The following ITGBL1 variants were observed in gnomAD, a reference collection of about 807,000 sequenced individuals.
ITGBL1 encodes the protein integrin beta-like protein 1.
Under a neutral mutation model 68.5 loss-of-function variants are expected in ITGBL1, and 51 were observed. The observed-to-expected ratio is 0.74, with a 90% CI of 0.59 to 0.94. The LOEUF (loss-of-function observed/expected upper bound fraction) is 0.94, where lower values mean the gene tolerates loss of function less well. ITGBL1 is among the 40% of genes least tolerant of loss of function. The pLI, the probability that ITGBL1 is intolerant of heterozygous loss-of-function variation, is 0.00. For synonymous variants in ITGBL1, 209 were observed against 227.3 expected, an observed-to-expected ratio of 0.92 and a Z score of 0.72; for missense variants, 649 against 647.4, an observed-to-expected ratio of 1.00 and a Z score of -0.03.
chr13:101,542,041 G>A (rs1420282030), intron 2 of ITGBL1, among the ~76,000 whole-genome samples: 2 of 152,100 alleles, frequency 1.3e-5, no homozygotes, highest in Admixed American at 6.6e-5. Flanking sequence ...AGGGTTATTT[G>A]TGTCTCTGTT....
intron 2 of ITGBL1, among the ~76,000 whole-genome samples, chr13:101,543,655 T>G (rs1165374262): frequency 1.3e-5 from 2 of 152,208 alleles, no homozygotes; most frequent in South Asian, 2.1e-4. Context: ...CAGAGTGTTT[T>G]CCAACTTGGT....
At chr13:101,506,676 T>A (rs1471730371) in intron 2 of ITGBL1, among the ~76,000 whole-genome samples, 2 of 152,200 alleles carry the variant, frequency 1.3e-5, no homozygotes, top group Non-Finnish European at 2.9e-5. Flanking sequence ...TAAAAGGTGT[T>A]GTAACTGAGA....
intron 7 of ITGBL1, among the ~76,000 whole-genome samples, chr13:101,657,257 A>C (rs2032955454): frequency 6.6e-6 from 1 of 152,336 alleles, no homozygotes; most frequent in Middle Eastern, 3.4e-3. Flanking sequence ...TTTTAATTCA[A>C]GTTGCACAAA....
intron 4 of ITGBL1, among the ~76,000 whole-genome samples, chr13:101,578,288 G>A (rs2050397408): frequency 6.6e-6 from 1 of 152,130 alleles, no homozygotes; most frequent in African/African-American, 2.4e-5. Context: ...GTTTTGCATT[G>A]TCTTTTGGGG....
chr13:101,605,381 CAT>C lies in ITGBL1; in HGVS notation c.1015+7087_1015+7088del, dbSNP rs571116333. On this transcript the variant is annotated intron_variant, in intron 7 of 10. Coordinates refer to ENST00000376180, the MANE Select transcript of ITGBL1 (RefSeq NM_004791.3). ...ATGTGTGCATATGCGTATATATACA[CAT>C]ATATGGGCATGTATGTGTGTATATG... Among the ~76,000 whole-genome samples, 151 of 142,936 alleles carry C rather than the reference CAT, an allele frequency of 1.1e-3. 9 individuals carry two copies. The highest frequency in any genetic ancestry group is 3.3e-3 in the African/African-American group (125 of 37,852). 93.8% of individuals were successfully genotyped at this position (142,936 alleles called of 152,430 possible).
intron 2 of ITGBL1, among the ~76,000 whole-genome samples, chr13:101,559,037 C>CT (rs2050058182): frequency 6.6e-6 from 1 of 152,058 alleles, no homozygotes; most frequent in African/African-American, 2.4e-5. Context: ...CAATTTCATC[C>CT]TTTAGTCACA....
chr13:101,550,427 C>G (rs1365494216), intron 2 of ITGBL1, among the ~76,000 whole-genome samples: 1 of 152,148 alleles, frequency 6.6e-6, no homozygotes, highest in African/African-American at 2.4e-5. Context: ...GTTCAAACAC[C>G]ACTTGGTTCT....
chr13:101,537,399 A>G (rs531949672), intron 2 of ITGBL1, among the ~76,000 whole-genome samples: 2 of 152,174 alleles, frequency 1.3e-5, no homozygotes, highest in African/African-American at 4.8e-5. Flanking sequence ...ATGAAACTTA[A>G]TCTTTAGAAA....
intron 7 of ITGBL1, among the ~76,000 whole-genome samples, chr13:101,661,856 T>C (rs1341659551): frequency 1.3e-5 from 2 of 152,148 alleles, no homozygotes; most frequent in Non-Finnish European, 2.9e-5. Flanking sequence ...TCTAAACGGA[T>C]AAAAATGAAC....
chr13:101,510,495 T>C (rs1195352361), intron 2 of ITGBL1, among the ~76,000 whole-genome samples: 1 of 152,206 alleles, frequency 6.6e-6, no homozygotes, highest in Non-Finnish European at 1.5e-5. Flanking sequence ...ATGATCTATA[T>C]TCCTTTGGAT....
intron 7 of ITGBL1, among the ~76,000 whole-genome samples, chr13:101,628,437 C>CTTTTT (rs986031242): frequency 7.2e-6 from 1 of 139,630 alleles, no homozygotes; most frequent in African/African-American, 2.6e-5. Context: ...TTTTCTTTTT[C>CTTTTT]TTTTTTTTTT....
chr13:101,460,316 C>T lies in ITGBL1; in HGVS notation c.316+6216C>T, dbSNP rs116366608. ...TCTGTAACAGACAGACTGGCTTTCA[C>T]ATTGCCTCTTTCCTGTATTTTCTTC... On this transcript the variant is annotated intron_variant, in intron 2 of 10. Transcript: ENST00000376180. 2.0e-3 allele frequency among the ~76,000 whole-genome samples: 303 copies of T among 152,282 alleles called. 2 individuals are homozygous for T. Among genetic ancestry groups the T allele is most frequent in the African/African-American group, 7.0e-3 (289 of 41,558 alleles).
chr13:101,560,360 A>G (rs1327077280), intron 2 of ITGBL1, among the ~76,000 whole-genome samples: 3 of 152,184 alleles, frequency 2.0e-5, no homozygotes, highest in African/African-American at 7.2e-5. Context: ...GGCAGAGTCA[A>G]CTAAGTGTTC....
chr13:101,616,128 C>T (rs983756942), intron 7 of ITGBL1, among the ~76,000 whole-genome samples: 1 of 152,234 alleles, frequency 6.6e-6, no homozygotes, highest in Non-Finnish European at 1.5e-5. Flanking sequence ...AATGCTCTGA[C>T]GGAGATATTT....
intron 6 of ITGBL1, among the ~76,000 whole-genome samples, chr13:101,589,288 A>T (rs1594909147): frequency 6.6e-6 from 1 of 152,218 alleles, no homozygotes; most frequent in Non-Finnish European, 1.5e-5. Context: ...TATGATATAC[A>T]GTAAGATATC....
At chr13:101,471,023 G>T (rs2048449744) in intron 2 of ITGBL1, among the ~76,000 whole-genome samples, 1 of 152,168 alleles carries the variant, frequency 6.6e-6, no homozygotes, top group Non-Finnish European at 1.5e-5. Context: ...TTGTTATTAA[G>T]TTACACCATT....
chr13:101,584,651 A>C (rs2050520416), intron 6 of ITGBL1, among the ~76,000 whole-genome samples: 1 of 152,154 alleles, frequency 6.6e-6, no homozygotes, highest in South Asian at 2.1e-4. Context: ...AGGATTTCCT[A>C]AACATTTTGT....
chr13:101,646,512 G>A (rs1016507701), intron 7 of ITGBL1, among the ~76,000 whole-genome samples: 3 of 152,124 alleles, frequency 2.0e-5, no homozygotes, highest in African/African-American at 2.4e-5. Context: ...GATGTTTTTA[G>A]TGACATTCAG....
At chr13:101,564,465 CAAT>C (rs1163465262) in intron 2 of ITGBL1, among the ~76,000 whole-genome samples, 3 of 151,330 alleles carry the variant, frequency 2.0e-5, no homozygotes, top group Non-Finnish European at 4.4e-5. Context: ...ACATTTGTGA[CAAT>C]GAACTTCTAT....
Sources: gnomAD v4.1 joint callset for allele counts (sites outside exome capture counted in the v4.1 genomes callset) on GRCh38, gnomAD v4.1.1 for gene constraint, MANE v1.5 for transcripts, NCBI Gene and HGNC (gene_info 2026-07-23, HGNC 2026-07-21) for gene names.